Variants in CD302 observed in about 807,000 individuals in gnomAD.
CD302 encodes CD302 antigen.
Under a neutral mutation model 26.5 loss-of-function variants are expected in CD302, and 23 were observed. That is an observed-to-expected ratio of 0.87 (90% CI 0.62 to 1.23). CD302 has a LOEUF of 1.23. CD302 is among the 50% of genes most tolerant of loss of function. The pLI is 0.00. For synonymous variants in CD302, 90 were observed against 99.4 expected, an observed-to-expected ratio of 0.91 and a Z score of 0.56; for missense variants, 290 against 275.5, an observed-to-expected ratio of 1.05 and a Z score of -0.37.
At chr2:159,776,714 TTTTTTTTTG>T (rs988477911) in intron 5 of CD302, among the ~76,000 whole-genome samples, 9 of 38,756 alleles carry the variant, frequency 2.3e-4, no homozygotes, top group African/African-American at 3.0e-4. Flanking sequence ...TTTTTTTTTT[TTTTTTTTTG>T]TGAGATGGAG....
At chr2:159,782,844 T>G (rs1486725295) in intron 2 of CD302, among the ~76,000 whole-genome samples, 1 of 152,208 alleles carries the variant, frequency 6.6e-6, no homozygotes, top group Non-Finnish European at 1.5e-5. Flanking sequence ...CTTAATGTAC[T>G]CTTCTTTACT....
Position 159,769,401 on chromosome 2 carries a change from G to A in CD302, c.*2450C>T, listed in dbSNP as rs1708060092. 1 of 152,218 alleles carries A rather than the reference G, an allele frequency of 6.6e-6. No homozygotes were observed. The highest frequency in any genetic ancestry group is 1.5e-5 in the Non-Finnish European group (1 of 68,050). 9.4% of individuals were successfully genotyped at this position (152,218 alleles called of 1,614,324 possible). A position where few individuals can be genotyped will look rare whatever the true frequency, so the allele number is the denominator to read the frequency against. On this transcript the variant is annotated 3_prime_UTR_variant, in exon 6 of 6. Transcript: ENST00000259053. ...CTCACGCATGTAATCCCAGCACTTT[G>A]GGAGACCAAGGTGGGTGGATCACTT...
At chr2:159,794,953 G>A (rs182203721) in intron 1 of CD302, among the ~76,000 whole-genome samples, 4 of 151,804 alleles carry the variant, frequency 2.6e-5, no homozygotes, top group Admixed American at 6.6e-5. Context: ...GGCCGGGCAC[G>A]GTGGCTCACA....
chr2:159,771,862 G>C lies in CD302; in HGVS notation c.688C>G (p.Gln230Glu), dbSNP rs780509519. The change falls in exon 6 of 6, where the codon CAA (glutamine) becomes GAA (glutamate). Residue 230 changes from glutamine to glutamate, a missense_variant. Coordinates refer to ENST00000259053, the MANE Select transcript of CD302 (RefSeq NM_014880.5). Reference protein sequence around the residue: ...VVGEENEYPVQFD With the variant: ...VVGEENEYPVEFD ...AGATTACCAAAAACTTAGTCAAATT[G>C]AACAGGATATTCATTTTCTTCTCCA... is the stretch of plus-strand genomic sequence containing the variant. 2 of 1,613,700 alleles carry C rather than the reference G, an allele frequency of 1.2e-6. No homozygotes were observed. The highest frequency in any genetic ancestry group is 1.7e-6 in the Non-Finnish European group (2 of 1,179,774).
chr2:159,780,199 T>C (rs200960588), intron 3 of CD302, 21 bp from the exon 4 acceptor site: 2 of 1,611,856 alleles, frequency 1.2e-6, no homozygotes, highest in Admixed American at 1.7e-5. Flanking sequence ...AGGAATATTT[T>C]CAACATTATG....
chr2:159,771,013 C>T lies in CD302; in HGVS notation c.*838G>A, dbSNP rs1708130145. 6.6e-6 allele frequency: 1 copy of T among 152,100 alleles called. No homozygotes were observed. Among genetic ancestry groups the T allele is most frequent in the Non-Finnish European group, 1.5e-5 (1 of 67,988 alleles). 9.4% of individuals were successfully genotyped at this position (152,100 alleles called of 1,614,324 possible). On this transcript the variant is annotated 3_prime_UTR_variant, in exon 6 of 6. Transcript: ENST00000259053. ...AAATGTACAATAAATGCACTGAAAA[C>T]TTTGATCACTGTCACTACAGTTGTA...
chr2:159,773,901 T>TAACA (rs1353988954), intron 5 of CD302, among the ~76,000 whole-genome samples: 2 of 152,172 alleles, frequency 1.3e-5, no homozygotes, highest in African/African-American at 4.8e-5. Context: ...CTTTTTAGCC[T>TAACA]AACAATGTTC....
intron 5 of CD302, among the ~76,000 whole-genome samples, chr2:159,772,263 G>A (rs531985096): frequency 1.1e-4 from 17 of 152,264 alleles, no homozygotes; most frequent in African/African-American, 4.1e-4. Context: ...CTAGGAAGTT[G>A]TGCACTTCTC....
intron 1 of CD302, among the ~76,000 whole-genome samples, chr2:159,793,604 G>A (rs1478856609): frequency 6.6e-6 from 1 of 152,082 alleles, no homozygotes; most frequent in Non-Finnish European, 1.5e-5. Context: ...CTTCCGCAAG[G>A]GCAACTGTGG....
At chr2:159,777,552 A>T (rs80268774) in intron 5 of CD302, among the ~76,000 whole-genome samples, 5 of 152,348 alleles carry the variant, frequency 3.3e-5, no homozygotes, top group Non-Finnish European at 7.4e-5. Flanking sequence ...GTCCAAAAGA[A>T]GATGTGGGAG....
chr2:159,772,651 G>A (rs1163210474), intron 5 of CD302, among the ~76,000 whole-genome samples: 2 of 152,270 alleles, frequency 1.3e-5, no homozygotes, highest in Middle Eastern at 3.4e-3. Flanking sequence ...AAAATAACCT[G>A]GTTTAGGAGA....
At chr2:159,795,180 G>A (rs139627747) in intron 1 of CD302, among the ~76,000 whole-genome samples, 3,901 of 150,870 alleles carry the variant, frequency 0.026, 84 homozygotes, top group East Asian at 0.087. Flanking sequence ...CCGAGATTGC[G>A]CCACCGCACT....
At chr2:159,774,053 C>T (rs989874817) in intron 5 of CD302, among the ~76,000 whole-genome samples, 11 of 151,260 alleles carry the variant, frequency 7.3e-5, no homozygotes, top group East Asian at 3.9e-4. Flanking sequence ...TGCTTAAACA[C>T]GTGGATGTTT....
intron 1 of CD302, among the ~76,000 whole-genome samples, chr2:159,795,097 C>T (rs1016492827): frequency 2.0e-5 from 3 of 151,532 alleles, no homozygotes; most frequent in African/African-American, 7.3e-5. Flanking sequence ...GTGGCGCATG[C>T]CTGTAATCCC....
At chr2:159,782,114 A>G (rs1435729159) in intron 2 of CD302, among the ~76,000 whole-genome samples, 2 of 152,118 alleles carry the variant, frequency 1.3e-5, no homozygotes, top group East Asian at 3.9e-4. Flanking sequence ...TAAAAATACA[A>G]AAAATTAGCC....
chr2:159,786,668 C>A (rs1306206280), intron 1 of CD302, among the ~76,000 whole-genome samples: 1 of 152,136 alleles, frequency 6.6e-6, no homozygotes, highest in African/African-American at 2.4e-5. Context: ...ACTGAATTGA[C>A]CTTGCTGCCA....
intron 1 of CD302, among the ~76,000 whole-genome samples, chr2:159,792,383 G>T (rs1708829984): frequency 6.6e-6 from 1 of 151,436 alleles, no homozygotes; most frequent in Non-Finnish European, 1.5e-5. Context: ...ATTGGTTATT[G>T]TATTAGTCAG....
In CD302 at chr2:159,770,424, A is replaced by T. The variant is rs1708102528; in HGVS notation, c.*1427T>A. The stretch of plus-strand genomic sequence containing the variant: ...ATTAATGATAGTGCCATTAATTGTG[A>T]TGAGTGTTTTCGATTCATGTGGTCA... On this transcript the variant is annotated 3_prime_UTR_variant, in exon 6 of 6. Coordinates refer to ENST00000259053, the MANE Select transcript of CD302 (RefSeq NM_014880.5). 1 of 152,092 alleles carries T rather than the reference A, an allele frequency of 6.6e-6. No individual in the cohort carries two copies. The highest frequency in any genetic ancestry group is 2.1e-4 in the South Asian group (1 of 4,818). The allele number at this position is 152,092 out of a possible 1,614,324, so 9.4% of individuals were successfully genotyped here. A position where few individuals can be genotyped will look rare whatever the true frequency, so the allele number is the denominator to read the frequency against.
At chr2:159,781,298 C>T (rs1708498972) in intron 2 of CD302, 1 of 196,606 alleles carries the variant, frequency 5.1e-6, no homozygotes, top group African/African-American at 2.4e-5. Flanking sequence ...CCTGTAATCC[C>T]AGCACTTTGG....
Sources: gnomAD v4.1 joint callset for allele counts (sites outside exome capture counted in the v4.1 genomes callset) on GRCh38, gnomAD v4.1.1 for gene constraint, MANE v1.5 for transcripts, NCBI Gene and HGNC (gene_info 2026-07-23, HGNC 2026-07-21) for gene names.